The following MORN3 variants were observed in gnomAD, a reference collection of about 807,000 sequenced individuals.
MORN3 encodes the protein MORN repeat-containing protein 3.
A neutral mutation model predicts 34.7 loss-of-function variants in MORN3; 38 were observed. The observed-to-expected ratio is 1.10, with a 90% CI of 0.85 to 1.44. MORN3 has a LOEUF of 1.44. MORN3 is among the 40% of genes most tolerant of loss of function. The pLI is 0.00. For missense variants in MORN3, 311 were observed against 321.7 expected (o/e 0.97, Z 0.25); for synonymous variants, 109 against 115.3 (o/e 0.95, Z 0.35).
intron 1 of MORN3, among the ~76,000 whole-genome samples, chr12:121,666,019 A>G (rs1893743452): frequency 4.6e-5 from 7 of 151,944 alleles, no homozygotes. Context: ...GCAAACCAAA[A>G]CTTATCAAGT....
chr12:121,670,725 C>T (rs1356283607), upstream of MORN3, among the ~76,000 whole-genome samples: 3 of 151,798 alleles, frequency 2.0e-5, no homozygotes, highest in Admixed American at 2.0e-4. Flanking sequence ...ATGAGAACAG[C>T]TTGAATCCAG....
At chr12:121,653,486 TCC>T (rs59758321) in intron 3 of MORN3, among the ~76,000 whole-genome samples, 4,849 of 152,180 alleles carry the variant, frequency 0.032, 248 homozygotes, top group African/African-American at 0.11. Context: ...GCACCTATAG[TCC>T]CAGCTACTCT....
Position 121,665,264 on chromosome 12 carries a change from T to TTTC in MORN3, c.145+4072_145+4074dup, listed in dbSNP as rs1382691408. Among the ~76,000 whole-genome samples, 7 of 147,904 alleles carry TTTC rather than the reference T, an allele frequency of 4.7e-5. No homozygotes were observed. In the South Asian group the frequency reaches 1.3e-3, roughly 27 times the overall value. Reference sequence around the variant, plus strand: ...GAGACCTGGTTTTAAGATCTCGCGTTTTCTTTTTCTTTCCTTTTTTTTTTT... The same window carrying TTTC: ...GAGACCTGGTTTTAAGATCTCGCGTTTTCTTCTTTTTCTTTCCTTTTTTTTTTT... On this transcript the variant is annotated intron_variant, in intron 1 of 5. Transcript: ENST00000355329.
At position 121,650,000 on chromosome 12, in the gene MORN3, A is replaced by G. The variant is rs1161825318; in HGVS notation, c.*1651T>C. Reference sequence around the variant, plus strand: ...ATGTCATACATTGCCAAATGTCCCCAAGAAAGAGTGGGGCTGAGGGAGGAC... The same window carrying G: ...ATGTCATACATTGCCAAATGTCCCCGAGAAAGAGTGGGGCTGAGGGAGGAC... On this transcript the variant is annotated 3_prime_UTR_variant, in exon 6 of 6. Coordinates refer to ENST00000355329, the MANE Select transcript of MORN3 (RefSeq NM_173855.5). The G allele has an allele frequency of 6.6e-6, 1 of 151,514 alleles. No individual in the cohort carries two copies. The highest frequency in any genetic ancestry group is 1.5e-5 in the Non-Finnish European group (1 of 67,986). 9.4% of individuals were successfully genotyped at this position (151,514 alleles called of 1,614,324 possible).
intron 1 of MORN3, among the ~76,000 whole-genome samples, chr12:121,665,279 T>C (rs12811455): frequency 3.0e-4 from 2 of 6,682 alleles, no homozygotes; most frequent in Non-Finnish European, 1.1e-3. Flanking sequence ...TTTTCTTTCC[T>C]TTTTTTTTTT....
At chr12:121,667,302 G>A (rs376518257) in intron 1 of MORN3, among the ~76,000 whole-genome samples, 5 of 151,932 alleles carry the variant, frequency 3.3e-5, no homozygotes, top group African/African-American at 1.2e-4. Context: ...CACCCAGGCT[G>A]GAGTGCAGTG....
Position 121,649,676 on chromosome 12 carries a change from A to G in MORN3, c.*1975T>C, listed in dbSNP as rs1481800329. ...TGTGCCTCTTGCTGAGGTCTTAGCT[A>G]GAATCGTGGTATTTCAGGGTTTCTC... is the stretch of plus-strand genomic sequence containing the variant. On this transcript the variant is annotated 3_prime_UTR_variant, in exon 6 of 6. Transcript: ENST00000355329. 1.3e-5 allele frequency: 2 copies of G among 150,396 alleles called. No individual in the cohort carries two copies. Among genetic ancestry groups the G allele is most frequent in the African/African-American group, 2.4e-5 (1 of 40,860 alleles). The allele number at this position is 150,396 out of a possible 1,614,324, so 9.3% of individuals were successfully genotyped here.
In MORN3 at chr12:121,650,448, C is replaced by G. The variant is rs576644817; in HGVS notation, c.*1203G>C. 4 of 145,182 alleles carry G rather than the reference C, an allele frequency of 2.8e-5. No individual in the cohort carries two copies. The highest frequency in any genetic ancestry group is 5.9e-5 in the Non-Finnish European group (4 of 67,310). 9.0% of individuals were successfully genotyped at this position (145,182 alleles called of 1,614,324 possible). A position where few individuals can be genotyped will look rare whatever the true frequency, so the allele number is the denominator to read the frequency against. On this transcript the variant is annotated 3_prime_UTR_variant, in exon 6 of 6. Transcript: ENST00000355329. The stretch of plus-strand genomic sequence containing the variant: ...GGCTGAGGCAGGATAATCGCTTGAA[C>G]CAGGGAGGCGAGGTTGCAGTGAGCC...
chr12:121,663,837 G>C (rs1893660184), intron 1 of MORN3, among the ~76,000 whole-genome samples: 1 of 151,872 alleles, frequency 6.6e-6, no homozygotes, highest in Non-Finnish European at 1.5e-5. Context: ...CCCATGGTCT[G>C]GTAGGGCCCA....
chr12:121,668,434 T>C (rs987619749), intron 1 of MORN3, among the ~76,000 whole-genome samples: 3 of 152,078 alleles, frequency 2.0e-5, no homozygotes, highest in Non-Finnish European at 4.4e-5. Flanking sequence ...CCAGCTACTC[T>C]GGAGGCTGAG....
At chr12:121,672,457 A>AG (rs1893995379), upstream of MORN3, 1 of 151,914 alleles carries the variant, frequency 6.6e-6, no homozygotes, top group Admixed American at 6.6e-5. Flanking sequence ...CCCTGTCTCA[A>AG]GGGAAAAAAA....
Position 121,654,412 on chromosome 12 carries a change from C to T in MORN3, c.325G>A (p.Gly109Arg). 6 of 1,595,648 alleles carry T rather than the reference C, an allele frequency of 3.8e-6. No homozygotes were observed. Among genetic ancestry groups the T allele is most frequent in the Non-Finnish European group, 5.1e-6 (6 of 1,171,258 alleles). The change falls in exon 3 of 6, where the codon GGA becomes AGA. Residue 109 changes from glycine to arginine, a missense_variant. Physicochemically the swap from Gly to Arg is moderately radical, Grantham distance 125 (BLOSUM62 -2). Coordinates refer to ENST00000355329, the MANE Select transcript of MORN3 (RefSeq NM_173855.5). ...KKSGYGIQFF[G>R]PKEYYEGDWC... ...TCACCCTCATAATACTCCTTGGGTC[C>T]GAAAAACTGGATCCCATAACCCTGA... is the stretch of plus-strand genomic sequence containing the variant.
chr12:121,664,876 A>C (rs1389465055), intron 1 of MORN3, among the ~76,000 whole-genome samples: 5 of 150,834 alleles, frequency 3.3e-5, no homozygotes, highest in Non-Finnish European at 5.9e-5. Context: ...CTACCAAAAA[A>C]AAAAAAAAAA....
chr12:121,653,280 G>A (rs1893307456), intron 3 of MORN3, 21 bp from the exon 4 acceptor site: 1 of 1,610,518 alleles, frequency 6.2e-7, no homozygotes, highest in Non-Finnish European at 8.5e-7. Context: ...GGACAGGGAG[G>A]TGTGGTGCAG....
At chr12:121,659,162 CACACA>C in intron 2 of MORN3, 24 bp downstream of exon 2, 3 of 1,607,866 alleles carry the variant, frequency 1.9e-6, no homozygotes, top group Non-Finnish European at 1.7e-6. Context: ...CACACACACA[CACACA>C]CCCCGGCTGG....
At chr12:121,659,874 T>C (rs898387841) in intron 1 of MORN3, among the ~76,000 whole-genome samples, 1 of 151,922 alleles carries the variant, frequency 6.6e-6, no homozygotes, top group African/African-American at 2.4e-5. Context: ...ATGCCTGTCT[T>C]TTCCAGGAGA....
chr12:121,659,461 G>C, intron 1 of MORN3, 113 bp from the exon 2 acceptor site: 1 of 1,023,068 alleles, frequency 9.8e-7, no homozygotes, highest in Non-Finnish European at 1.5e-6. Flanking sequence ...AGCTGGGACA[G>C]GCTCTGCGCA....
At chr12:121,659,385 C>G in intron 1 of MORN3, 37 bp from the exon 2 acceptor site, 1 of 1,606,214 alleles carries the variant, frequency 6.2e-7, no homozygotes, top group African/African-American at 1.3e-5. Context: ...GCAGACATGG[C>G]CGCCGGGGGG....
At chr12:121,670,078 C>G (rs966111059), upstream of MORN3, among the ~76,000 whole-genome samples, 1 of 151,662 alleles carries the variant, frequency 6.6e-6, no homozygotes, top group Admixed American at 6.6e-5. Flanking sequence ...TTTCACCATG[C>G]TGGGCAGGTT....
Sources: allele counts gnomAD v4.1 joint callset (sites outside exome capture counted in the v4.1 genomes callset), GRCh38; gene constraint gnomAD v4.1.1; transcripts MANE v1.5; gene names NCBI Gene and HGNC (gene_info 2026-07-23, HGNC 2026-07-21).